CORO1C: variants seen among roughly 807,000 people sequenced by gnomAD.
The protein encoded by CORO1C is coronin 1C.
Under a neutral mutation model 51.2 loss-of-function variants are expected in CORO1C, and 14 were observed. The observed-to-expected ratio is 0.27, with a 90% confidence interval of 0.18 to 0.43. CORO1C has a LOEUF of 0.43. Ranked by LOEUF, CORO1C falls within the 20% of genes least tolerant of loss-of-function variation. The pLI is 1.00. For missense variants in CORO1C, 417 were observed against 607.8 expected, an observed-to-expected ratio of 0.69 and a Z score of 3.30; for synonymous variants, 181 against 210.5, an observed-to-expected ratio of 0.86 and a Z score of 1.21.
At chr12:108,723,548 T>A (rs1332205684) in intron 1 of CORO1C, among the ~76,000 whole-genome samples, 1 of 152,218 alleles carries the variant, frequency 6.6e-6, no homozygotes, top group Non-Finnish European at 1.5e-5. Flanking sequence ...ATGAAAAATC[T>A]ACAGCTTTGT....
intron 1 of CORO1C, among the ~76,000 whole-genome samples, chr12:108,725,402 C>G (rs1041745310): frequency 1.3e-5 from 2 of 152,232 alleles, no homozygotes; most frequent in Non-Finnish European, 1.5e-5. Context: ...CTGTATTAGG[C>G]ACTTCATATA....
intron 1 of CORO1C, among the ~76,000 whole-genome samples, chr12:108,705,117 A>G (rs2034988916): frequency 6.6e-6 from 1 of 152,208 alleles, no homozygotes; most frequent in African/African-American, 2.4e-5. Flanking sequence ...TCTGCAACAT[A>G]TTAGCAAATT....
At chr12:108,729,549 G>GA (rs2035667286) in intron 1 of CORO1C, among the ~76,000 whole-genome samples, 2 of 152,192 alleles carry the variant, frequency 1.3e-5, no homozygotes, top group African/African-American at 2.4e-5. Flanking sequence ...CCTCCACCAC[G>GA]AAACACTGCA....
intron 1 of CORO1C, among the ~76,000 whole-genome samples, chr12:108,727,742 T>C (rs1022394223): frequency 2.0e-5 from 3 of 152,146 alleles, no homozygotes; most frequent in African/African-American, 7.2e-5. Flanking sequence ...TATTCATAAA[T>C]TGGAAATCAT....
intron 1 of CORO1C, among the ~76,000 whole-genome samples, chr12:108,721,362 G>C (rs557703374): frequency 2.0e-5 from 3 of 152,052 alleles, no homozygotes; most frequent in Non-Finnish European, 4.4e-5. Context: ...ACACCCTCAG[G>C]CAGGATCTCA....
At chr12:108,722,776 T>G (rs376455923) in intron 1 of CORO1C, among the ~76,000 whole-genome samples, 15 of 152,228 alleles carry the variant, frequency 9.9e-5, no homozygotes, top group African/African-American at 3.6e-4. Flanking sequence ...TCATTCACTT[T>G]CAGAGAAACA....
At chr12:108,721,948 A>G in intron 1 of CORO1C, among the ~76,000 whole-genome samples, 1 of 152,116 alleles carries the variant, frequency 6.6e-6, no homozygotes, top group South Asian at 2.1e-4. Flanking sequence ...AGTATTTTGA[A>G]AAAAATTTAG....
At chr12:108,715,443 T>C (rs758770980) in intron 1 of CORO1C, among the ~76,000 whole-genome samples, 1 of 152,130 alleles carries the variant, frequency 6.6e-6, no homozygotes, top group African/African-American at 2.4e-5. Context: ...GACAGAAATA[T>C]ATATTTCTAT....
chr12:108,667,354 T>C (rs2033523857), intron 3 of CORO1C, among the ~76,000 whole-genome samples: 1 of 152,344 alleles, frequency 6.6e-6, no homozygotes, highest in Admixed American at 6.5e-5. Flanking sequence ...CTTTGTTCTA[T>C]GGCTACAGAC....
At chr12:108,714,478 G>A (rs2035273977) in intron 1 of CORO1C, among the ~76,000 whole-genome samples, 1 of 150,992 alleles carries the variant, frequency 6.6e-6, no homozygotes, top group East Asian at 2.0e-4. Context: ...CCCAAGGATA[G>A]TATCTAAAAG....
chr12:108,715,013 A>T (rs2136880599), intron 1 of CORO1C, among the ~76,000 whole-genome samples: 1 of 152,322 alleles, frequency 6.6e-6, no homozygotes, highest in African/African-American at 2.4e-5. Context: ...ATCAAGTCTG[A>T]CAAGAAGTAA....
intron 1 of CORO1C, among the ~76,000 whole-genome samples, chr12:108,725,753 C>T (rs1023537041): frequency 5.3e-5 from 8 of 152,186 alleles, no homozygotes; most frequent in Admixed American, 3.3e-4. Context: ...AAAGGTATCC[C>T]GAAATGGCCA....
intron 6 of CORO1C, among the ~76,000 whole-genome samples, chr12:108,655,430 T>G (rs2136801711): frequency 6.9e-6 from 1 of 144,408 alleles, no homozygotes; most frequent in Admixed American, 6.9e-5. Flanking sequence ...CTCCCTCTGA[T>G]GCCGAGCCGA....
intron 1 of CORO1C, among the ~76,000 whole-genome samples, chr12:108,706,136 G>A (rs1027475601): frequency 4.2e-5 from 6 of 142,270 alleles, no homozygotes; most frequent in Admixed American, 7.8e-5. Flanking sequence ...GCAGTAAGCC[G>A]AGACAGTGCC....
At chr12:108,674,076 C>T (rs1259006580) in intron 3 of CORO1C, among the ~76,000 whole-genome samples, 1 of 152,130 alleles carries the variant, frequency 6.6e-6, no homozygotes, top group Non-Finnish European at 1.5e-5. Flanking sequence ...CAACAATGCA[C>T]CTTATCACCC....
chr12:108,653,965 T>C (rs531715938), intron 7 of CORO1C, among the ~76,000 whole-genome samples: 54 of 152,342 alleles, frequency 3.5e-4, no homozygotes, highest in African/African-American at 1.2e-3. Flanking sequence ...AAATCTAAAA[T>C]CACCAATCAG....
intron 6 of CORO1C, among the ~76,000 whole-genome samples, chr12:108,655,286 G>A (rs1298778694): frequency 1.3e-5 from 2 of 152,076 alleles, no homozygotes; most frequent in Non-Finnish European, 2.9e-5. Flanking sequence ...TATGAAATAT[G>A]AACTTATTTT....
intron 3 of CORO1C, among the ~76,000 whole-genome samples, chr12:108,670,444 C>A (rs1426041784): frequency 1.3e-5 from 2 of 152,098 alleles, no homozygotes; most frequent in African/African-American, 4.8e-5. Flanking sequence ...CCAGGATGGG[C>A]CCACAAAGGA....
intron 2 of CORO1C, among the ~76,000 whole-genome samples, chr12:108,699,800 T>C (rs1396823992): frequency 6.6e-6 from 1 of 152,202 alleles, no homozygotes; most frequent in African/African-American, 2.4e-5. Context: ...TTCAACTTAA[T>C]GAAAAGATTC....
Sources: allele counts gnomAD v4.1 joint callset (sites outside exome capture counted in the v4.1 genomes callset), GRCh38; gene constraint gnomAD v4.1.1; transcripts MANE v1.5; gene names NCBI Gene and HGNC (gene_info 2026-07-23, HGNC 2026-07-21).